Variants in ESRRG observed in about 807,000 individuals in gnomAD.
The protein encoded by ESRRG is estrogen related receptor gamma.
Under a neutral mutation model 44.0 loss-of-function variants are expected in ESRRG, and 13 were observed. The ratio of observed to expected loss-of-function variants is 0.30; its 90% confidence interval spans 0.19 to 0.47. The LOEUF is 0.47. ESRRG is among the 20% of genes least tolerant of loss of function. The pLI, the probability that ESRRG is intolerant of heterozygous loss-of-function variation, is 1.00. For synonymous variants in ESRRG, 215 were observed against 214.6 expected, an observed-to-expected ratio of 1.00 and a Z score of -0.02; for missense variants, 395 against 580.6, an observed-to-expected ratio of 0.68 and a Z score of 3.29.
intron 1 of ESRRG, among the ~76,000 whole-genome samples, chr1:217,082,528 C>T (rs1188076116): frequency 2.6e-5 from 4 of 152,164 alleles, no homozygotes; most frequent in Non-Finnish European, 5.9e-5. Context: ...AGCCTTTTCT[C>T]ATAACACACT....
chr1:217,051,204 C>CGGGGG (rs1164233806), intron 1 of ESRRG, among the ~76,000 whole-genome samples: 21 of 33,574 alleles, frequency 6.3e-4, no homozygotes, highest in African/African-American at 2.5e-3. Flanking sequence ...ATAATGGGGG[C>CGGGGG]GGGGGGGGGG....
chr1:216,832,274 A>T (rs2095499162), intron 2 of ESRRG, among the ~76,000 whole-genome samples: 1 of 152,240 alleles, frequency 6.6e-6, no homozygotes. Flanking sequence ...TAGATGGACA[A>T]AAGGACAATT....
rs181189141 is a variant in ESRRG, at chr1:216,809,110, A to G, written c.-14+130472T>C. On this transcript the variant is annotated intron_variant, in intron 2 of 7. Transcript: ENST00000359162. ...ATCAAGTTCTCATAGCAACCCTGCA[A>G]GGTGTGTACTATTTTTCCAACTATA... Among the ~76,000 whole-genome samples the G allele has an allele frequency of 9.9e-5, 15 of 152,242 alleles. No homozygotes were observed. The East Asian group carries it at 2.7e-3, about 27-fold the overall frequency.
chr1:216,735,300 C>T (rs764579991), intron 2 of ESRRG, among the ~76,000 whole-genome samples: 11 of 151,968 alleles, frequency 7.2e-5, no homozygotes, highest in African/African-American at 2.7e-4. Flanking sequence ...CCTCAAACTC[C>T]TGTGCTCAAG....
chr1:216,652,039 G>T (rs11572707), intron 2 of ESRRG, among the ~76,000 whole-genome samples: 7 of 151,976 alleles, frequency 4.6e-5, no homozygotes, highest in African/African-American at 1.7e-4. Flanking sequence ...AAGGTCTTTC[G>T]TTACTTCCTA....
At chr1:216,611,753 G>T (rs1019991361) in intron 3 of ESRRG, among the ~76,000 whole-genome samples, 1 of 150,524 alleles carries the variant, frequency 6.6e-6, no homozygotes, top group African/African-American at 2.5e-5. Context: ...TGTGCTAGAG[G>T]TATGTAAAAA....
In ESRRG at chr1:216,775,642, T is replaced by C. The variant is rs1377325201; in HGVS notation, c.-13-98151A>G. On this transcript the variant is annotated intron_variant, in intron 2 of 7. Coordinates refer to the ESRRG transcript ENST00000359162. ...AGGCTGGTCATCGCAGCCTTGACTT[T>C]CCAGACTCAGGTGATCCTCTCACTT... Among the ~76,000 whole-genome samples the C allele has an allele frequency of 2.1e-5, 3 of 140,670 alleles. No homozygotes were observed. The South Asian group carries it at 7.2e-4, about 34-fold the overall frequency. The allele number at this position is 140,670 out of a possible 152,430, so 92.3% of individuals were successfully genotyped here. A position where few individuals can be genotyped will look rare whatever the true frequency, so the allele number is the denominator to read the frequency against.
intron 3 of ESRRG, among the ~76,000 whole-genome samples, chr1:216,614,225 C>T (rs1024947058): frequency 6.6e-6 from 1 of 152,232 alleles, no homozygotes; most frequent in South Asian, 2.1e-4. Context: ...CCTTCCGCTC[C>T]CATTCCCGCA....
At chr1:217,092,743 C>G (rs2092367471), upstream of ESRRG, among the ~76,000 whole-genome samples, 1 of 152,160 alleles carries the variant, frequency 6.6e-6, no homozygotes, top group African/African-American at 2.4e-5. Context: ...TCGGGTTTAC[C>G]TAACATAGTG....
chr1:216,938,510 G>T (rs945288053), intron 2 of ESRRG, among the ~76,000 whole-genome samples: 1 of 152,100 alleles, frequency 6.6e-6, no homozygotes, highest in Non-Finnish European at 1.5e-5. Context: ...ATATTCTCCC[G>T]CTGACTACAT....
intron 3 of ESRRG, among the ~76,000 whole-genome samples, chr1:216,603,705 G>T (rs924848503): frequency 6.6e-6 from 1 of 152,146 alleles, no homozygotes; most frequent in Non-Finnish European, 1.5e-5. Flanking sequence ...GAGGCAGGTG[G>T]ATCACTTGAG....
At chr1:217,127,680 T>C (rs959048184) in intron 1 of ESRRG, among the ~76,000 whole-genome samples, 5 of 152,154 alleles carry the variant, frequency 3.3e-5, no homozygotes, top group Non-Finnish European at 7.4e-5. Flanking sequence ...CTGTATGACC[T>C]CGGGCAAGTT....
intron 1 of ESRRG, among the ~76,000 whole-genome samples, chr1:217,002,349 G>C (rs897179787): frequency 1.5e-4 from 22 of 146,186 alleles, no homozygotes; most frequent in Admixed American, 1.2e-3. Flanking sequence ...AGAAAGAAAA[G>C]AAAAGAAAGA....
chr1:216,761,903 G>T (rs2092797769), intron 2 of ESRRG, among the ~76,000 whole-genome samples: 1 of 152,054 alleles, frequency 6.6e-6, no homozygotes, highest in Non-Finnish European at 1.5e-5. Context: ...CACCCTGAGG[G>T]TGTATATATA....
rs924622579 is a variant in ESRRG at position 216,504,196 on chromosome 1, T to G, written c.*2743A>C. On this transcript the variant is annotated 3_prime_UTR_variant, in exon 7 of 7. Coordinates refer to ENST00000408911, the MANE Select transcript of ESRRG (RefSeq NM_001438.4). ...TGATACAGTGAAAACAATGTATATA[T>G]TGTATATATTTTATTTATATATAGT... 2 of 152,164 alleles carry G rather than the reference T, an allele frequency of 1.3e-5. No homozygotes were observed. Among genetic ancestry groups the G allele is most frequent in the Non-Finnish European group, 2.9e-5 (2 of 67,994 alleles). The allele number at this position is 152,164 out of a possible 1,614,324, so 9.4% of individuals were successfully genotyped here.
intron 2 of ESRRG, among the ~76,000 whole-genome samples, chr1:216,675,370 A>C (rs1209413604): frequency 6.6e-6 from 1 of 152,134 alleles, no homozygotes; most frequent in Non-Finnish European, 1.5e-5. Context: ...CAAAAAGAAA[A>C]AAAAAAGGGG....
At chr1:217,088,398 CTTTTTTTTTTTT>C (rs71585811) in intron 1 of ESRRG, among the ~76,000 whole-genome samples, 1 of 59,738 alleles carries the variant, frequency 1.7e-5, no homozygotes, top group Non-Finnish European at 2.9e-5. Context: ...TTTTTCCTGT[CTTTTTTTTTTTT>C]TTTTTTTTTT....
chr1:216,521,325 C>T (rs1329073609), intron 5 of ESRRG, among the ~76,000 whole-genome samples: 1 of 152,022 alleles, frequency 6.6e-6, no homozygotes, highest in East Asian at 1.9e-4. Context: ...ATATTCACAA[C>T]AAACAAACAG....
chr1:216,843,869 CT>C (rs10712887), intron 2 of ESRRG, among the ~76,000 whole-genome samples: 37,539 of 143,680 alleles, frequency 0.26, 5,619 homozygotes, highest in African/African-American at 0.45. Flanking sequence ...TTCTTTCTTC[CT>C]TTTTTTTTTT....
Sources: allele counts gnomAD v4.1 joint callset (sites outside exome capture counted in the v4.1 genomes callset), GRCh38; gene constraint gnomAD v4.1.1; transcripts MANE v1.5; gene names NCBI Gene and HGNC (gene_info 2026-07-23, HGNC 2026-07-21).